STRBP: variants seen among roughly 807,000 people sequenced by gnomAD.
STRBP encodes spermatid perinuclear RNA binding protein.
In STRBP, 13 loss-of-function variants were observed where a neutral mutation model predicts 80.1. That is an observed-to-expected ratio of 0.16 (90% confidence interval 0.11 to 0.26). STRBP has a LOEUF of 0.26. Among genes scored for constraint, STRBP ranks in the 10% least tolerant of loss-of-function variants. The pLI is 1.00. For synonymous variants in STRBP, 284 were observed against 291.2 expected (o/e 0.98, Z 0.25); for missense variants, 485 against 815.2 (o/e 0.59, Z 4.93).
chr9:123,195,920 T>C (rs1438049986), intron 2 of STRBP, among the ~76,000 whole-genome samples: 2 of 152,126 alleles, frequency 1.3e-5, no homozygotes, highest in African/African-American at 2.4e-5. Context: ...AGAACAAAAC[T>C]GGAGGAATTA....
rs754657529 is a variant in STRBP at position 123,161,087 on chromosome 9, A to G, written c.536-19T>C. On this transcript the variant is annotated intron_variant, in intron 6 of 18. Transcript: ENST00000348403. ...ACATTTTCTAACAGTAAAATGGGAT[A>G]AAGAGAGACAAATACAATTTGACCA... is the stretch of plus-strand genomic sequence containing the variant. The G allele has an allele frequency of 4.5e-6, 7 of 1,538,860 alleles. No individual in the cohort carries two copies. In the African/African-American group the frequency reaches 5.6e-5, roughly 12 times the overall value.
chr9:123,143,077 A>T (rs545010596), intron 13 of STRBP, among the ~76,000 whole-genome samples: 1 of 152,320 alleles, frequency 6.6e-6, no homozygotes, highest in Admixed American at 6.5e-5. Context: ...TTTCTACATC[A>T]TGGCTCTCTA....
intron 3 of STRBP, among the ~76,000 whole-genome samples, chr9:123,182,216 T>TA (rs2038499789): frequency 1.1e-5 from 1 of 94,564 alleles, no homozygotes; most frequent in African/African-American, 4.4e-5. Flanking sequence ...CTCCGTTTCT[T>TA]TAAAAAAAAA....
chr9:123,226,628 C>A (rs1432127580), intron 2 of STRBP, among the ~76,000 whole-genome samples: 3 of 152,158 alleles, frequency 2.0e-5, no homozygotes, highest in African/African-American at 7.2e-5. Flanking sequence ...TGCCATACAG[C>A]CATCCATTTA....
At chr9:123,212,041 C>T (rs1440555069) in intron 2 of STRBP, among the ~76,000 whole-genome samples, 4 of 152,116 alleles carry the variant, frequency 2.6e-5, no homozygotes, top group African/African-American at 9.7e-5. Flanking sequence ...AGTATTTTTC[C>T]CAACCTTTTG....
chr9:123,211,924 A>C (rs1309533031), intron 2 of STRBP, among the ~76,000 whole-genome samples: 1 of 152,138 alleles, frequency 6.6e-6, no homozygotes, highest in Non-Finnish European at 1.5e-5. Context: ...AATCTATAGA[A>C]AATAATCTTG....
At chr9:123,147,179 C>A in intron 12 of STRBP, 125 bp from the exon 13 acceptor site, 1 of 629,700 alleles carries the variant, frequency 1.6e-6, no homozygotes, top group Non-Finnish European at 2.7e-6. Flanking sequence ...TTTCAAAACA[C>A]ACAGATTAAC....
At chr9:123,261,396 A>G (rs1287150285) in intron 1 of STRBP, among the ~76,000 whole-genome samples, 1 of 152,208 alleles carries the variant, frequency 6.6e-6, no homozygotes, top group Middle Eastern at 3.2e-3. Context: ...CAGTCTGCCA[A>G]TCTCTGCTCT....
In STRBP at chr9:123,146,998, T is replaced by C. The variant is rs1243496049; in HGVS notation, c.1195A>G (p.Arg399Gly). ...MNALMRLNQI[R>G]PGLQYKLLSQ... ...AGGAGCTTATACTGAAGCCCAGGCC[T>C]GATCTGATTTAGCCTCATTAGTGCA... The change falls in exon 13 of 19, where the codon AGG becomes GGG. Residue 399 changes from arginine (R) to glycine (G), a missense_variant. This residue lies in a region of STRBP where 377 missense variants were observed against 616.1 expected (regional missense o/e 0.61). Coordinates refer to ENST00000348403, the MANE Select transcript of STRBP (RefSeq NM_018387.5). The C allele has an allele frequency of 6.2e-7, 1 of 1,614,108 alleles. No homozygotes were observed.
chr9:123,243,219 T>C (rs1415589677), intron 1 of STRBP, among the ~76,000 whole-genome samples: 1 of 110,634 alleles, frequency 9.0e-6, no homozygotes, highest in Admixed American at 1.1e-4. Flanking sequence ...GGAAGAAGGA[T>C]AGCCCTTTCA....
chr9:123,165,218 T>C (rs184514378), intron 6 of STRBP, among the ~76,000 whole-genome samples: 247 of 150,376 alleles, frequency 1.6e-3, no homozygotes, highest in Non-Finnish European at 3.0e-3. Context: ...GAGGCGGACA[T>C]TGCAGTGAGC....
At chr9:123,197,667 CTTTTTTTTTTTTTTT>C (rs71388358) in intron 2 of STRBP, among the ~76,000 whole-genome samples, 1 of 87,364 alleles carries the variant, frequency 1.1e-5, no homozygotes, top group African/African-American at 4.7e-5. Flanking sequence ...AAACATATTT[CTTTTTTTTTTTTTTT>C]TTTTTTTTTT....
chr9:123,257,478 T>C (rs1045441121), intron 1 of STRBP, among the ~76,000 whole-genome samples: 6 of 151,912 alleles, frequency 3.9e-5, no homozygotes, highest in African/African-American at 1.5e-4. Context: ...ACTCCCCTAA[T>C]AGACTGTAAG....
intron 1 of STRBP, among the ~76,000 whole-genome samples, chr9:123,243,093 C>T (rs78755952): frequency 0.025 from 3,851 of 151,662 alleles, 139 homozygotes; most frequent in African/African-American, 0.087. Context: ...ATCAAGATTG[C>T]GTGGTATTGG....
chr9:123,178,792 C>T (rs2038330793), intron 4 of STRBP, among the ~76,000 whole-genome samples: 1 of 152,128 alleles, frequency 6.6e-6, no homozygotes, highest in African/African-American at 2.4e-5. Flanking sequence ...TAAGCAGGTC[C>T]ATTTTCTTTC....
chr9:123,246,609 A>G (rs549579650), intron 1 of STRBP, among the ~76,000 whole-genome samples: 1 of 152,288 alleles, frequency 6.6e-6, no homozygotes, highest in East Asian at 1.9e-4. Context: ...ATACTATAAC[A>G]TAACAGAATT....
intron 1 of STRBP, among the ~76,000 whole-genome samples, chr9:123,251,265 T>C (rs1300325533): frequency 1.3e-5 from 2 of 151,832 alleles, no homozygotes; most frequent in African/African-American, 2.4e-5. Flanking sequence ...AGAAGAAAAA[T>C]AGTACAAGAG....
At chr9:123,242,267 A>C (rs2040710963) in intron 1 of STRBP, among the ~76,000 whole-genome samples, 1 of 152,230 alleles carries the variant, frequency 6.6e-6, no homozygotes. Flanking sequence ...TTAGAATGTA[A>C]GGTCAATGAT....
intron 2 of STRBP, among the ~76,000 whole-genome samples, chr9:123,227,811 C>T (rs1275991683): frequency 2.0e-5 from 3 of 151,984 alleles, no homozygotes; most frequent in Non-Finnish European, 2.9e-5. Context: ...GTCATTCACC[C>T]ACCTCAGCCT....
Sources: gnomAD v4.1 joint callset for allele counts (sites outside exome capture counted in the v4.1 genomes callset) on GRCh38, gnomAD v4.1.1 for gene constraint, gnomAD v4.1.1 regional missense constraint, MANE v1.5 for transcripts, NCBI Gene and HGNC (gene_info 2026-07-23, HGNC 2026-07-21) for gene names.